Variants in SNX31 observed in about 807,000 individuals in gnomAD.
The protein encoded by SNX31 is sorting nexin-31.
In SNX31, 58 loss-of-function variants were observed where a neutral mutation model predicts 65.4. That is an observed-to-expected ratio of 0.89 (90% CI 0.72 to 1.10). The LOEUF is 1.10. SNX31 is among the 50% of genes least tolerant of loss of function. The pLI, the probability that SNX31 is intolerant of heterozygous loss-of-function variation, is 0.00. For missense variants in SNX31, 523 were observed against 529.7 expected, an observed-to-expected ratio of 0.99 and a Z score of 0.12; for synonymous variants, 181 against 190.1, an observed-to-expected ratio of 0.95 and a Z score of 0.39.
At position 100,641,545 on chromosome 8, in the gene SNX31, C is replaced by CAA. The variant is rs1173913088; in HGVS notation, c.142-5536_142-5535dup. ...GGGCCACTGGAGTGAGACCTTGTCT[C>CAA]AAAAAAAAAAAAAAAAAAAAATATA... On this transcript the variant is annotated intron_variant, in intron 2 of 13. Coordinates refer to ENST00000311812, the MANE Select transcript of SNX31 (RefSeq NM_152628.4). Among the ~76,000 whole-genome samples, 33 of 10,234 alleles carry CAA rather than the reference C, an allele frequency of 3.2e-3. 1 individual carries two copies. The highest frequency in any genetic ancestry group is 8.6e-3 in the East Asian group (3 of 350). 6.7% of individuals were successfully genotyped at this position (10,234 alleles called of 152,430 possible). A position where few individuals can be genotyped will look rare whatever the true frequency, so the allele number is the denominator to read the frequency against.
intron 11 of SNX31, among the ~76,000 whole-genome samples, chr8:100,587,523 G>T (rs1316425752): frequency 1.3e-5 from 2 of 152,102 alleles, no homozygotes; most frequent in Non-Finnish European, 2.9e-5. Context: ...CTGCATTAAT[G>T]GTACGTCATG....
chr8:100,638,075 C>A (rs1818902610), intron 2 of SNX31, among the ~76,000 whole-genome samples: 1 of 152,146 alleles, frequency 6.6e-6, no homozygotes, highest in East Asian at 1.9e-4. Flanking sequence ...GAGGCTGAGG[C>A]AGGAGGGTTG....
At chr8:100,606,559 A>G (rs1199617026) in intron 8 of SNX31, among the ~76,000 whole-genome samples, 1 of 152,178 alleles carries the variant, frequency 6.6e-6, no homozygotes, top group African/African-American at 2.4e-5. Context: ...CCAGGGTAAC[A>G]AAATCCACCC....
intron 8 of SNX31, among the ~76,000 whole-genome samples, chr8:100,603,819 T>G (rs1340150198): frequency 1.3e-5 from 2 of 149,816 alleles, no homozygotes; most frequent in Non-Finnish European, 3.0e-5. Flanking sequence ...CTCACTGCAA[T>G]CTCCGCCTCC....
upstream of SNX31, among the ~76,000 whole-genome samples, chr8:100,654,221 G>A (rs2131312350): frequency 6.6e-6 from 1 of 152,022 alleles, no homozygotes; most frequent in South Asian, 2.1e-4. Context: ...TGTTGCCCAG[G>A]CCAGTCTCTA....
At chr8:100,656,518 G>A (rs1394317161) in intron 1 of SNX31, among the ~76,000 whole-genome samples, 1 of 151,718 alleles carries the variant, frequency 6.6e-6, no homozygotes, top group Non-Finnish European at 1.5e-5. Flanking sequence ...GTGGGTGCCT[G>A]TAATCCCAGC....
chr8:100,627,384 C>T (rs1049741526), intron 4 of SNX31, among the ~76,000 whole-genome samples: 2 of 151,978 alleles, frequency 1.3e-5, no homozygotes, highest in Non-Finnish European at 2.9e-5. Context: ...CAGAGATATA[C>T]AAAACAAAGC....
chr8:100,594,548 C>T lies in SNX31; in HGVS notation c.978+2091G>A, dbSNP rs1195787201. Among the ~76,000 whole-genome samples the T allele has an allele frequency of 6.6e-6, 1 of 152,100 alleles. No homozygotes were observed. Among genetic ancestry groups the T allele is most frequent in the Non-Finnish European group, 1.5e-5 (1 of 68,024 alleles). ...TGGCAAATAAACACATGAAGATATT[C>T]AGCATCATAAGCCATAGTGAAATGC... On this transcript the variant is annotated intron_variant, in intron 10 of 13. Coordinates refer to ENST00000311812, the MANE Select transcript of SNX31 (RefSeq NM_152628.4). This position sits in a 1 kb window ranked among gnomAD's most constrained non-coding sequence, Gnocchi z 4.0.
intron 2 of SNX31, among the ~76,000 whole-genome samples, chr8:100,646,439 A>G (rs1271701476): frequency 6.6e-6 from 1 of 152,204 alleles, no homozygotes; most frequent in Non-Finnish European, 1.5e-5. Flanking sequence ...AGACCTTTAA[A>G]GGTGTCAGAC....
chr8:100,610,274 T>A lies in SNX31; in HGVS notation c.612-1711A>T, dbSNP rs986943851. 6.6e-6 allele frequency among the ~76,000 whole-genome samples: 1 copy of A among 152,102 alleles called. No individual in the cohort carries two copies. The highest frequency in any genetic ancestry group is 2.4e-5 in the African/African-American group (1 of 41,364). On this transcript the variant is annotated intron_variant, in intron 7 of 13. Coordinates refer to ENST00000311812, the MANE Select transcript of SNX31 (RefSeq NM_152628.4). This position sits in a 1 kb window ranked among gnomAD's most constrained non-coding sequence, Gnocchi z 4.0. ...GCAATGCCTAATTTCTAATTCAAGC[T>A]TCAAGGTAAGAAACAGAATCATCAT...
rs1814869281 is a variant in SNX31 at position 100,594,374 on chromosome 8, GA to G, written c.978+2264del. On this transcript the variant is annotated intron_variant, in intron 10 of 13. Coordinates refer to ENST00000311812, the MANE Select transcript of SNX31 (RefSeq NM_152628.4). The surrounding 1 kb of genome is among the most constrained non-coding windows in gnomAD (Gnocchi z 4.0). ...ACAAAACCGAAACTATAGAGTAAGA[GA>G]AAATATTTGGAAACCAGATGGCCAA... 6.6e-6 allele frequency among the ~76,000 whole-genome samples: 1 copy of G among 151,896 alleles called. No homozygotes were observed. The highest frequency in any genetic ancestry group is 1.5e-5 in the Non-Finnish European group (1 of 67,984).
rs1451908632 is a variant in SNX31 at position 100,614,168 on chromosome 8, T to TTATTTCTGTCTCTC, written c.433-1084_433-1083insGAGAGACAGAAATA. ...CACTTTCAAAGCAATTCCCTTCCCC[T>TTATTTCTGTCTCTC]TCTTTCTGTCTCTCTCTTTCCCCCA... On this transcript the variant is annotated intron_variant, in intron 5 of 13. Coordinates refer to ENST00000311812, the MANE Select transcript of SNX31 (RefSeq NM_152628.4). The surrounding 1 kb of genome is among the most constrained non-coding windows in gnomAD (Gnocchi z 5.1). Among the ~76,000 whole-genome samples the TTATTTCTGTCTCTC allele has an allele frequency of 1.3e-5, 2 of 152,150 alleles. No homozygotes were observed. The highest frequency in any genetic ancestry group is 2.9e-5 in the Non-Finnish European group (2 of 68,030).
chr8:100,581,043 C>T (rs1268496710), intron 12 of SNX31, among the ~76,000 whole-genome samples: 2 of 149,792 alleles, frequency 1.3e-5, no homozygotes, highest in East Asian at 3.9e-4. Context: ...TGTCTGTTAT[C>T]TCAGCAATTT....
At chr8:100,642,779 T>A (rs1819348250) in intron 2 of SNX31, among the ~76,000 whole-genome samples, 1 of 152,242 alleles carries the variant, frequency 6.6e-6, no homozygotes, top group Admixed American at 6.5e-5. Context: ...TTCAAAAAAC[T>A]GTTTAAAGAG....
chr8:100,614,589 T>C lies in SNX31; in HGVS notation c.433-1504A>G, dbSNP rs748351446. On this transcript the variant is annotated intron_variant, in intron 5 of 13. Transcript: ENST00000311812. This position sits in a 1 kb window ranked among gnomAD's most constrained non-coding sequence, Gnocchi z 5.1. ...TTGCTGCTGGCCCTTAAAGAGGCCATTGAGGCCCGGCACGGTGGCTCATGC... is the reference window on the plus strand; with the variant it reads ...TTGCTGCTGGCCCTTAAAGAGGCCACTGAGGCCCGGCACGGTGGCTCATGC... Among the ~76,000 whole-genome samples, 6 of 152,208 alleles carry C rather than the reference T, an allele frequency of 3.9e-5. No homozygotes were observed. Among genetic ancestry groups the C allele is most frequent in the Admixed American group, 1.3e-4 (2 of 15,264 alleles).
rs969846504 is a variant in SNX31 at position 100,630,495 on chromosome 8, G to C, written c.257-104C>G. On this transcript the variant is annotated intron_variant, in intron 3 of 13. Transcript: ENST00000311812. This position sits in a 1 kb window ranked among gnomAD's most constrained non-coding sequence, Gnocchi z 5.3. ...TCCCTCCATGCCTTGCCAGTGCTCT[G>C]TCTCCTCCCTGAAGTGATAAATGTT... 1.1e-6 allele frequency: 1 copy of C among 897,730 alleles called. No individual in the cohort carries two copies. Among genetic ancestry groups the C allele is most frequent in the Non-Finnish European group, 1.7e-6 (1 of 588,364 alleles). 55.6% of individuals were successfully genotyped at this position (897,730 alleles called of 1,614,324 possible).
intron 12 of SNX31, among the ~76,000 whole-genome samples, chr8:100,580,494 G>T (rs1222786105): frequency 6.6e-6 from 1 of 152,150 alleles, no homozygotes; most frequent in African/African-American, 2.4e-5. Context: ...CTAGGTGTGG[G>T]CCTGTGATGT....
chr8:100,620,163 C>G (rs7010683), intron 4 of SNX31, among the ~76,000 whole-genome samples: 10,794 of 152,194 alleles, frequency 0.071, 990 homozygotes, highest in African/African-American at 0.21. Flanking sequence ...CAGGTGTCAG[C>G]ATGTAAAAGG....
intron 2 of SNX31, among the ~76,000 whole-genome samples, chr8:100,642,721 C>T (rs964858201): frequency 9.9e-5 from 15 of 152,218 alleles, no homozygotes; most frequent in African/African-American, 3.6e-4. Flanking sequence ...ATCAAAACCA[C>T]CAGCGTACTG....
Sources: gnomAD v4.1 joint callset for allele counts (sites outside exome capture counted in the v4.1 genomes callset) on GRCh38, gnomAD v4.1.1 for gene constraint, Gnocchi (gnomAD v3.1) non-coding constraint, MANE v1.5 for transcripts, NCBI Gene and HGNC (gene_info 2026-07-23, HGNC 2026-07-21) for gene names.